The following PDCL2 variants were observed in gnomAD, a reference collection of about 807,000 sequenced individuals.
PDCL2 encodes the protein phosducin-like protein 2.
Under a neutral mutation model 30.3 loss-of-function variants are expected in PDCL2, and 23 were observed. The observed-to-expected ratio is 0.76, with a 90% CI of 0.55 to 1.08. The LOEUF is 1.08. PDCL2 is among the 50% of genes least tolerant of loss of function. The pLI is 0.00. For missense variants in PDCL2, 243 were observed against 282.3 expected (o/e 0.86, Z 1.00); for synonymous variants, 68 against 86.2 (o/e 0.79, Z 1.17).
rs919463888 is a variant in PDCL2 at position 55,592,143 on chromosome 4, G to C, written c.-34C>G. On this transcript the variant is annotated 5_prime_UTR_variant, in exon 1 of 6. Transcript: ENST00000295645. ...GCTCTGCCCCTCAAGAGCCCGCGTC[G>C]TCCTGCAGCTGGCGAGGCGCCACGG... The C allele has an allele frequency of 3.7e-6, 6 of 1,606,692 alleles. No individual in the cohort carries two copies. The South Asian group carries it at 6.7e-5, about 18-fold the overall frequency.
rs151053451 is a variant in PDCL2 at position 55,557,854 on chromosome 4, G to A, written c.572-1143C>T. 2.3e-3 allele frequency among the ~76,000 whole-genome samples: 340 copies of A among 150,984 alleles called. 1 individual carries two copies. The highest frequency in any genetic ancestry group is 7.7e-3 in the African/African-American group (314 of 41,036). ...AGCGTGGTGGCTCACACCTGTAATC[G>A]CAGCACTTCGAAAGGCTGAGGAGGG... On this transcript the variant is annotated intron_variant, in intron 5 of 5. Coordinates refer to ENST00000295645, the MANE Select transcript of PDCL2 (RefSeq NM_152401.3).
chr4:55,583,535 A>G (rs1287228378), intron 1 of PDCL2, among the ~76,000 whole-genome samples: 2 of 152,064 alleles, frequency 1.3e-5, no homozygotes, highest in Non-Finnish European at 2.9e-5. Flanking sequence ...CTTGTATAAT[A>G]TTTTCACAAT....
chr4:55,576,318 C>G (rs1488434351), intron 3 of PDCL2, among the ~76,000 whole-genome samples: 1 of 152,126 alleles, frequency 6.6e-6, no homozygotes, highest in Non-Finnish European at 1.5e-5. Context: ...GTCTCAAACT[C>G]CTGAACTCAG....
chr4:55,566,064 C>T (rs935398166), intron 4 of PDCL2, among the ~76,000 whole-genome samples: 1 of 133,408 alleles, frequency 7.5e-6, no homozygotes, highest in Non-Finnish European at 1.5e-5. Flanking sequence ...CACTGCAGAG[C>T]TGCCTCCCAG....
chr4:55,582,351 G>T, intron 1 of PDCL2, 114 bp from the exon 2 acceptor site: 2 of 1,204,620 alleles, frequency 1.7e-6, no homozygotes, highest in South Asian at 1.7e-5. Context: ...GAACTCTACA[G>T]TTAATTGGTT....
intron 3 of PDCL2, among the ~76,000 whole-genome samples, chr4:55,573,645 A>G (rs6848755): frequency 0.76 from 114,513 of 151,562 alleles, 43,635 homozygotes; most frequent in East Asian, 0.9. Flanking sequence ...CAGCTACTCC[A>G]GAGACTGAGG....
intron 3 of PDCL2, among the ~76,000 whole-genome samples, chr4:55,572,568 A>C (rs192510485): frequency 6.6e-6 from 1 of 152,320 alleles, no homozygotes; most frequent in East Asian, 1.9e-4. Context: ...TATGCTCCAC[A>C]CCTGGATGAG....
intron 3 of PDCL2, among the ~76,000 whole-genome samples, chr4:55,577,398 C>G (rs533882261): frequency 4.6e-5 from 7 of 152,302 alleles, no homozygotes; most frequent in African/African-American, 1.7e-4. Flanking sequence ...ATTAGATAGG[C>G]ATGATTGACT....
intron 4 of PDCL2, 135 bp downstream of exon 4, chr4:55,569,583 T>C (rs992050338): frequency 1.2e-4 from 55 of 444,422 alleles, no homozygotes; most frequent in African/African-American, 1.0e-3. Context: ...TATCAAAACC[T>C]CTATGGATGT....
At chr4:55,588,512 T>C (rs1467555865) in intron 1 of PDCL2, among the ~76,000 whole-genome samples, 1 of 152,228 alleles carries the variant, frequency 6.6e-6, no homozygotes, top group Admixed American at 6.5e-5. Flanking sequence ...TATTGAATGA[T>C]GTCTCCCGAA....
At chr4:55,589,096 T>A (rs1050399182) in intron 1 of PDCL2, among the ~76,000 whole-genome samples, 1 of 152,162 alleles carries the variant, frequency 6.6e-6, no homozygotes, top group Non-Finnish European at 1.5e-5. Context: ...CCTGACCTCG[T>A]GATCCGCCCA....
intron 4 of PDCL2, among the ~76,000 whole-genome samples, chr4:55,563,525 T>C (rs998536546): frequency 2.0e-5 from 3 of 152,082 alleles, no homozygotes; most frequent in African/African-American, 4.8e-5. Context: ...TACTAAAAAA[T>C]GCAAGGTTTT....
intron 1 of PDCL2, among the ~76,000 whole-genome samples, chr4:55,587,321 TA>T (rs1732888958): frequency 6.7e-6 from 1 of 149,464 alleles, no homozygotes; most frequent in Non-Finnish European, 1.5e-5. Flanking sequence ...CTTCATGGCC[TA>T]ATCACCTCTT....
intron 2 of PDCL2, 140 bp downstream of exon 2, chr4:55,581,977 G>A (rs9790523): frequency 0.27 from 306,510 of 1,125,290 alleles, 46,845 homozygotes; most frequent in East Asian, 0.6. Flanking sequence ...AAAGTGCTGG[G>A]ATTACAGGTG....
chr4:55,591,282 T>C (rs1732992180), intron 1 of PDCL2, among the ~76,000 whole-genome samples: 1 of 151,664 alleles, frequency 6.6e-6, no homozygotes. Context: ...AAAGACAATT[T>C]TACTGTACCA....
intron 3 of PDCL2, among the ~76,000 whole-genome samples, chr4:55,572,504 A>G (rs1009003047): frequency 6.6e-6 from 1 of 152,200 alleles, no homozygotes; most frequent in Admixed American, 6.5e-5. Context: ...CTATCTCCTT[A>G]GTAACAATCT....
At chr4:55,591,438 G>A (rs1394295108) in intron 1 of PDCL2, among the ~76,000 whole-genome samples, 4 of 152,204 alleles carry the variant, frequency 2.6e-5, no homozygotes, top group Non-Finnish European at 5.9e-5. Context: ...CGCCAGGCTG[G>A]AGTGCAGTGG....
chr4:55,571,574 C>A (rs1360324079), intron 3 of PDCL2, among the ~76,000 whole-genome samples: 2 of 72,398 alleles, frequency 2.8e-5, no homozygotes, highest in Admixed American at 1.5e-4. Flanking sequence ...GTGGTCCCAG[C>A]TACTCGGGAG....
chr4:55,563,988 C>A (rs1380335951), intron 4 of PDCL2, among the ~76,000 whole-genome samples: 1 of 152,208 alleles, frequency 6.6e-6, no homozygotes, highest in Non-Finnish European at 1.5e-5. Context: ...TGCATGAATG[C>A]AGATTTTCTC....
Sources: gnomAD v4.1 joint callset for allele counts (sites outside exome capture counted in the v4.1 genomes callset) on GRCh38, gnomAD v4.1.1 for gene constraint, MANE v1.5 for transcripts, NCBI Gene and HGNC (gene_info 2026-07-23, HGNC 2026-07-21) for gene names.